Variants in TMC2 observed in about 807,000 individuals in gnomAD.
The protein encoded by TMC2 is transmembrane channel like 2.
A neutral mutation model predicts 105.9 loss-of-function variants in TMC2; 102 were observed. The observed-to-expected ratio is 0.96, with a 90% CI of 0.82 to 1.14. The LOEUF is 1.14. Among genes scored for constraint, TMC2 ranks in the 50% most tolerant of loss-of-function variants. TMC2 has a pLI of 0.00. For missense variants in TMC2, 1,093 were observed against 1,134.3 expected, an observed-to-expected ratio of 0.96 and a Z score of 0.52; for synonymous variants, 402 against 422.8, an observed-to-expected ratio of 0.95 and a Z score of 0.60.
intron 8 of TMC2, 64 bp from the exon 9 acceptor site, chr20:2,594,761 C>A (rs1038236589): frequency 1.4e-5 from 21 of 1,540,666 alleles, no homozygotes; most frequent in Non-Finnish European, 1.8e-5. Context: ...GTAGAGTAGA[C>A]ATGTCTGGTA....
chr20:2,590,157 A>C (rs2146208787), intron 7 of TMC2, among the ~76,000 whole-genome samples: 1 of 152,358 alleles, frequency 6.6e-6, no homozygotes, highest in Non-Finnish European at 1.5e-5. Context: ...AAAACAATTC[A>C]TAGGAGAATA....
intron 5 of TMC2, among the ~76,000 whole-genome samples, chr20:2,575,712 C>A (rs963270724): frequency 1.3e-5 from 2 of 152,020 alleles, no homozygotes; most frequent in African/African-American, 2.4e-5. Context: ...TGCCTCCCCC[C>A]ACCCCCATCC....
intron 17 of TMC2, 64 bp from the exon 18 acceptor site, chr20:2,635,862 G>A: frequency 7.4e-7 from 1 of 1,349,474 alleles, no homozygotes; most frequent in Non-Finnish European, 1.1e-6. Context: ...CCCCAAGAAA[G>A]GCGCCCAGCT....
At chr20:2,623,941 A>C (rs527794553) in intron 16 of TMC2, among the ~76,000 whole-genome samples, 12 of 152,248 alleles carry the variant, frequency 7.9e-5, no homozygotes, top group African/African-American at 2.9e-4. Flanking sequence ...AAACACAGAC[A>C]ATTTCTCCAG....
intron 9 of TMC2, among the ~76,000 whole-genome samples, chr20:2,596,717 A>ATGTGTGTG (rs35925886): frequency 3.4e-5 from 5 of 146,210 alleles, no homozygotes; most frequent in South Asian, 4.4e-4. Context: ...AAAAATATAT[A>ATGTGTGTG]TGTGTGTGTG....
At chr20:2,619,950 G>A (rs751377344) in intron 16 of TMC2, among the ~76,000 whole-genome samples, 16 of 152,196 alleles carry the variant, frequency 1.1e-4, no homozygotes, top group Middle Eastern at 3.4e-3. Context: ...ATGGTGGTAC[G>A]TGCCTGTAGT....
intron 8 of TMC2, among the ~76,000 whole-genome samples, chr20:2,593,959 C>T (rs928204914): frequency 3.9e-5 from 6 of 152,158 alleles, no homozygotes; most frequent in East Asian, 1.9e-4. Context: ...AGTCCCTGCA[C>T]GCATCACACA....
At chr20:2,580,519 T>C (rs902724461) in intron 7 of TMC2, among the ~76,000 whole-genome samples, 2 of 152,190 alleles carry the variant, frequency 1.3e-5, no homozygotes, top group African/African-American at 4.8e-5. Flanking sequence ...CATTATATCA[T>C]TATTTATCAC....
intron 5 of TMC2, among the ~76,000 whole-genome samples, chr20:2,578,681 C>A (rs1239228337): frequency 6.6e-6 from 1 of 151,988 alleles, no homozygotes; most frequent in Non-Finnish European, 1.5e-5. Context: ...TCAGTTGCAC[C>A]ACCCCTGCAA....
At chr20:2,576,898 TG>T in intron 5 of TMC2, among the ~76,000 whole-genome samples, 4 of 132,132 alleles carry the variant, frequency 3.0e-5, no homozygotes, top group Non-Finnish European at 4.5e-5. Context: ...GGTTTCTTCT[TG>T]GTTTTTTTTT....
chr20:2,555,455 C>T (rs913194426), intron 2 of TMC2, among the ~76,000 whole-genome samples: 2 of 148,106 alleles, frequency 1.4e-5, no homozygotes, highest in South Asian at 4.3e-4. Context: ...ATTGCTCAAG[C>T]TTTTTTTTTT....
chr20:2,595,234 AG>A (rs1459249991), intron 9 of TMC2, among the ~76,000 whole-genome samples: 3 of 152,230 alleles, frequency 2.0e-5, no homozygotes, highest in Non-Finnish European at 4.4e-5. Context: ...TTTAGACAAA[AG>A]AAGAGCATGT....
intron 10 of TMC2, among the ~76,000 whole-genome samples, chr20:2,600,430 C>A (rs568696136): frequency 6.6e-6 from 1 of 152,160 alleles, no homozygotes; most frequent in South Asian, 2.1e-4. Context: ...GTAATCCCAG[C>A]ACTTTGGGAG....
intron 2 of TMC2, among the ~76,000 whole-genome samples, chr20:2,551,211 C>T (rs940181446): frequency 4.6e-5 from 7 of 152,168 alleles, no homozygotes; most frequent in South Asian, 2.1e-4. Context: ...TCCCTAATGA[C>T]ATACCATGTT....
At chr20:2,577,725 C>A (rs1049230625) in intron 5 of TMC2, among the ~76,000 whole-genome samples, 2 of 151,910 alleles carry the variant, frequency 1.3e-5, no homozygotes, top group African/African-American at 2.4e-5. Flanking sequence ...CCAGCCTGGG[C>A]CGCATGGTGA....
intron 2 of TMC2, among the ~76,000 whole-genome samples, chr20:2,556,016 A>T (rs1253382306): frequency 6.6e-6 from 1 of 152,152 alleles, no homozygotes; most frequent in Admixed American, 6.5e-5. Flanking sequence ...TATTGTTGCT[A>T]TTGTTATCCT....
chr20:2,556,068 G>T (rs2085983139), intron 2 of TMC2, among the ~76,000 whole-genome samples: 1 of 150,980 alleles, frequency 6.6e-6, no homozygotes. Flanking sequence ...AATTTAAAAA[G>T]AAGGATTTTA....
chr20:2,616,071 T>C lies in TMC2; in HGVS notation c.1873-66T>C, dbSNP rs77468098. ...TGGCCAGTTGGTTGGTAGTAGGGTT[T>C]GGCTGAATTCACCAAACGTGCTTTT... On this transcript the variant is annotated intron_variant, in intron 14 of 19. Coordinates refer to ENST00000358864, the MANE Select transcript of TMC2 (RefSeq NM_080751.3). The surrounding 1 kb of genome is among the most constrained non-coding windows in gnomAD (Gnocchi z 4.8). The C allele has an allele frequency of 4.0e-4, 552 of 1,383,152 alleles. 8 individuals carry two copies. In the African/African-American group the frequency reaches 6.2e-3, roughly 15 times the overall value. The allele number at this position is 1,383,152 out of a possible 1,614,324, so 85.7% of individuals were successfully genotyped here.
chr20:2,612,406 G>A, intron 13 of TMC2, 66 bp downstream of exon 13: 1 of 1,379,024 alleles, frequency 7.3e-7, no homozygotes, highest in Non-Finnish European at 9.6e-7. Context: ...CCTCCTTGAT[G>A]TTTCCATTTG....
Sources: gnomAD v4.1 joint callset for allele counts (sites outside exome capture counted in the v4.1 genomes callset) on GRCh38, gnomAD v4.1.1 for gene constraint, Gnocchi (gnomAD v3.1) non-coding constraint, MANE v1.5 for transcripts, NCBI Gene and HGNC (gene_info 2026-07-23, HGNC 2026-07-21) for gene names.